Variants in USP6NL observed in about 807,000 individuals in gnomAD.
USP6NL encodes the protein USP6 N-terminal like, also known as USP6 N-terminal-like protein.
USP6NL carries 26 observed loss-of-function variants against 61.9 expected under a neutral mutation model. The ratio of observed to expected loss-of-function variants is 0.42; its 90% CI spans 0.31 to 0.58. The LOEUF is 0.58. Among genes scored for constraint, USP6NL ranks in the 20% least tolerant of loss-of-function variants. The pLI is 0.16. For missense variants in USP6NL, 1,114 were observed against 1,034.3 expected (o/e 1.08, Z -1.06); for synonymous variants, 432 against 390.1 (o/e 1.11, Z -1.27).
intron 6 of USP6NL, among the ~76,000 whole-genome samples, chr10:11,505,834 C>T (rs1238769481): frequency 6.6e-6 from 1 of 152,170 alleles, no homozygotes; most frequent in East Asian, 1.9e-4. Context: ...TGCGAGTGTG[C>T]GCCATGAAAC....
rs368828736 is a variant in USP6NL at position 11,527,538 on chromosome 10, C to T, written c.34G>A (p.Ala12Thr). 3.7e-6 allele frequency: 6 copies of T among 1,609,464 alleles called. No homozygotes were observed. In the African/African-American group the frequency reaches 6.7e-5, roughly 18 times the overall value. The change falls in exon 3 of 15, where the codon GCC becomes ACC. Residue 12 changes from alanine (A) to threonine (T), a missense_variant. Transcript: ENST00000609104. ...GCAACTATTTCAGCTCGCTCCTGGG[C>T]AAGTTTGAGTGCTACATCCTGGTCT... is the stretch of plus-strand genomic sequence containing the variant. The part of the protein sequence containing the change: ...NSDQDVALKL[A>T]QERAEIVAKY...
intron 2 of USP6NL, among the ~76,000 whole-genome samples, chr10:11,543,800 T>C (rs1187924230): frequency 1.4e-5 from 2 of 139,854 alleles, no homozygotes; most frequent in African/African-American, 5.2e-5. Context: ...GAAAAATATT[T>C]AGGTTTTTTT....
At chr10:11,527,477 A>G (rs1388695085) in intron 3 of USP6NL, 23 bp downstream of exon 3, 5 of 1,581,512 alleles carry the variant, frequency 3.2e-6, no homozygotes, top group East Asian at 2.3e-5. Flanking sequence ...AACTCACCCA[A>G]AGTGTTAAAT....
At chr10:11,583,854 C>T (rs1369863779) in intron 2 of USP6NL, among the ~76,000 whole-genome samples, 1 of 152,028 alleles carries the variant, frequency 6.6e-6, no homozygotes, top group South Asian at 2.1e-4. Flanking sequence ...GTGGCAAAAC[C>T]CTGAAAACTA....
intron 7 of USP6NL, among the ~76,000 whole-genome samples, chr10:11,500,647 CTT>C (rs966524714): frequency 6.6e-6 from 1 of 151,926 alleles, no homozygotes; most frequent in South Asian, 2.1e-4. Context: ...GCAAAGTCAT[CTT>C]TTTTTTCATG....
At position 11,527,501 on chromosome 10, in the gene USP6NL, C is replaced by T; in HGVS notation, c.71G>A (p.Arg24Lys). 6.2e-7 allele frequency: 1 copy of T among 1,602,318 alleles called. No homozygotes were observed. Among genetic ancestry groups the T allele is most frequent in the Non-Finnish European group, 8.5e-7 (1 of 1,173,800 alleles). ...AAAGTGTTAAATATGGATACTTACT[C>T]TGTCATATTTAGCAACTATTTCAGC... ...ERAEIVAKYDRGREGAEIEPW... is the reference protein window; with the variant it reads ...ERAEIVAKYDKGREGAEIEPW... The change falls in exon 3 of 15, where the codon AGA (arginine) becomes AAA (lysine). Residue 24 changes from arginine to lysine, a missense_variant and splice_region_variant. Coordinates refer to ENST00000609104, the MANE Select transcript of USP6NL (RefSeq NM_014688.5).
Position 11,468,914 on chromosome 10 carries a change from GTA to G in USP6NL, c.1079-5067_1079-5066del, listed in dbSNP as rs1208153736. Among the ~76,000 whole-genome samples, 1 of 152,148 alleles carries G rather than the reference GTA, an allele frequency of 6.6e-6. No individual in the cohort carries two copies. Among genetic ancestry groups the G allele is most frequent in the Non-Finnish European group, 1.5e-5 (1 of 68,034 alleles). On this transcript the variant is annotated intron_variant, in intron 14 of 14. Coordinates refer to ENST00000609104, the MANE Select transcript of USP6NL (RefSeq NM_014688.5). This position sits in a 1 kb window ranked among gnomAD's most constrained non-coding sequence, Gnocchi z 4.5. Reference sequence around the variant, plus strand: ...TTCAGGCACAAAACAAAATGCAAAGGTATGTGTCATACATACGTAGGAGATTT... The same window carrying G: ...TTCAGGCACAAAACAAAATGCAAAGGTGTGTCATACATACGTAGGAGATTT...
chr10:11,587,793 C>A lies in USP6NL; in HGVS notation c.4+9838G>T, dbSNP rs1222809706. On this transcript the variant is annotated intron_variant, in intron 2 of 14. Coordinates refer to ENST00000609104, the MANE Select transcript of USP6NL (RefSeq NM_014688.5). This position sits in a 1 kb window ranked among gnomAD's most constrained non-coding sequence, Gnocchi z 4.5. ...TCTCGATAAAAGCCAAAAGCCGTCT[C>A]ATTTCAACGCCATCTCATATTCTAG... Among the ~76,000 whole-genome samples the A allele has an allele frequency of 1.3e-5, 2 of 152,220 alleles. No homozygotes were observed. Among genetic ancestry groups the A allele is most frequent in the African/African-American group, 4.8e-5 (2 of 41,460 alleles).
chr10:11,500,922 T>C (rs1459500842), intron 7 of USP6NL, among the ~76,000 whole-genome samples, 179 bp downstream of exon 7: 1 of 152,242 alleles, frequency 6.6e-6, no homozygotes, highest in African/African-American at 2.4e-5. Context: ...AGTATCTATT[T>C]AAAATTTAAG....
Position 11,585,707 on chromosome 10 carries a change from T to C in USP6NL, c.4+11924A>G, listed in dbSNP as rs1837938979. Among the ~76,000 whole-genome samples the C allele has an allele frequency of 6.6e-6, 1 of 151,908 alleles. No individual in the cohort carries two copies. The highest frequency in any genetic ancestry group is 2.4e-5 in the African/African-American group (1 of 41,332). On this transcript the variant is annotated intron_variant, in intron 2 of 14. Transcript: ENST00000609104. The surrounding 1 kb of genome is among the most constrained non-coding windows in gnomAD (Gnocchi z 4.5). ...TAAATTGAATAAAAATTTAAAAAGG[T>C]GGAAGCAACCCAAGTGTCCACTGAC...
At chr10:11,523,891 T>C (rs193117159) in intron 4 of USP6NL, among the ~76,000 whole-genome samples, 155 of 152,292 alleles carry the variant, frequency 1.0e-3, no homozygotes, top group African/African-American at 3.6e-3. Flanking sequence ...AGGAAAGACA[T>C]GGAAATCTAT....
At position 11,592,768 on chromosome 10, in the gene USP6NL, G is replaced by T. The variant is rs188374245; in HGVS notation, c.4+4863C>A. Among the ~76,000 whole-genome samples, 1,560 of 152,210 alleles carry T rather than the reference G, an allele frequency of 0.01. 17 individuals are homozygous for T. Among genetic ancestry groups the T allele is most frequent in the Non-Finnish European group, 0.017 (1,147 of 67,996 alleles). ...CTTATGGGAAGTCTTCTGTTACTTG[G>T]AGCACAACTTTTTTACTTAGTAAGA... On this transcript the variant is annotated intron_variant, in intron 2 of 14. Coordinates refer to ENST00000609104, the MANE Select transcript of USP6NL (RefSeq NM_014688.5). This position sits in a 1 kb window ranked among gnomAD's most constrained non-coding sequence, Gnocchi z 4.7.
chr10:11,607,396 A>T (rs1281900348), intron 1 of USP6NL, among the ~76,000 whole-genome samples: 1 of 152,194 alleles, frequency 6.6e-6, no homozygotes, highest in Non-Finnish European at 1.5e-5. Flanking sequence ...TCTATAATAA[A>T]ATATTAGCCA....
At chr10:11,578,610 T>TA (rs79243406) in intron 2 of USP6NL, among the ~76,000 whole-genome samples, 13,378 of 151,912 alleles carry the variant, frequency 0.088, 1,028 homozygotes, top group East Asian at 0.42. Context: ...ACTCTATCTC[T>TA]AAAAAAAATA....
chr10:11,463,885 A>C lies in USP6NL; in HGVS notation c.1079-36T>G, dbSNP rs527936185. 46 of 1,451,668 alleles carry C rather than the reference A, an allele frequency of 3.2e-5. No homozygotes were observed. In the South Asian group the frequency reaches 6.6e-4, roughly 21 times the overall value. The allele number at this position is 1,451,668 out of a possible 1,614,324, so 89.9% of individuals were successfully genotyped here. A position where few individuals can be genotyped will look rare whatever the true frequency, so the allele number is the denominator to read the frequency against. On this transcript the variant is annotated intron_variant, in intron 14 of 14. Transcript: ENST00000609104. The surrounding 1 kb of genome is among the most constrained non-coding windows in gnomAD (Gnocchi z 6.3). ...AGAGAAAGGCTAAGTAAGATAATAC[A>C]CGAGTAAACAGTAGCCAGTTGAAGC...
rs1311927254 is a variant in USP6NL, at chr10:11,481,455, A to T, written c.1078+315T>A. The stretch of plus-strand genomic sequence containing the variant: ...CAAAATGAGATGAAGAAAGCAAAAA[A>T]AAGCTTATTGTTATGCTCGTTTAAA... On this transcript the variant is annotated intron_variant, in intron 14 of 14. Coordinates refer to ENST00000609104, the MANE Select transcript of USP6NL (RefSeq NM_014688.5). This position sits in a 1 kb window ranked among gnomAD's most constrained non-coding sequence, Gnocchi z 4.4. 6.6e-6 allele frequency among the ~76,000 whole-genome samples: 1 copy of T among 152,244 alleles called. No individual in the cohort carries two copies. The highest frequency in any genetic ancestry group is 1.5e-5 in the Non-Finnish European group (1 of 68,042).
chr10:11,570,742 G>A (rs1404054044), intron 2 of USP6NL, among the ~76,000 whole-genome samples: 2 of 152,206 alleles, frequency 1.3e-5, no homozygotes, highest in Non-Finnish European at 2.9e-5. Flanking sequence ...AAGAGATGGT[G>A]TGGCTTTACT....
intron 6 of USP6NL, among the ~76,000 whole-genome samples, chr10:11,508,418 C>A (rs763183381): frequency 2.0e-5 from 3 of 152,134 alleles, no homozygotes; most frequent in Non-Finnish European, 1.5e-5. Flanking sequence ...CATAATAAAA[C>A]TATTTCTTTT....
intron 1 of USP6NL, among the ~76,000 whole-genome samples, chr10:11,605,210 A>T (rs1436807683): frequency 1.3e-5 from 2 of 152,202 alleles, no homozygotes; most frequent in African/African-American, 2.4e-5. Context: ...AGAGGTGCCT[A>T]AGAGTCTAAA....
Sources: allele counts gnomAD v4.1 joint callset (sites outside exome capture counted in the v4.1 genomes callset), GRCh38; gene constraint gnomAD v4.1.1; non-coding constraint Gnocchi (gnomAD v3.1); transcripts MANE v1.5; gene names NCBI Gene and HGNC (gene_info 2026-07-23, HGNC 2026-07-21).